MYO18B: variants seen among roughly 807,000 people sequenced by gnomAD.
The protein encoded by MYO18B is unconventional myosin-XVIIIb.
Under a neutral mutation model 273.0 loss-of-function variants are expected in MYO18B, and 204 were observed. That is an observed-to-expected ratio of 0.75 (90% confidence interval 0.67 to 0.84). MYO18B has a LOEUF of 0.84. MYO18B is among the 40% of genes least tolerant of loss of function. The pLI is 0.00. For synonymous variants in MYO18B, 1,330 were observed against 1,305.7 expected (o/e 1.02, Z -0.40); for missense variants, 3,212 against 3,287.6 (o/e 0.98, Z 0.56).
intron 21 of MYO18B, among the ~76,000 whole-genome samples, chr22:25,851,802 AGGGGGCATCT>A (rs1180319746): frequency 6.6e-6 from 1 of 152,148 alleles, no homozygotes; most frequent in Non-Finnish European, 1.5e-5. Flanking sequence ...GGATTGCCCC[AGGGGGCATCT>A]GGACCAGCTG....
chr22:26,056,108 G>C, the MYO18B span, among the ~76,000 whole-genome samples: 1 of 152,132 alleles, frequency 6.6e-6, no homozygotes, highest in African/African-American at 2.4e-5. Flanking sequence ...TAGTATTCCA[G>C]GTTGCTGAAG....
intron 1 of MYO18B, among the ~76,000 whole-genome samples, chr22:25,742,991 T>C (rs1263384626): frequency 2.0e-5 from 3 of 152,206 alleles, no homozygotes; most frequent in Non-Finnish European, 4.4e-5. Context: ...GACATGGAGC[T>C]CTCTCCCAGG....
chr22:25,875,650 G>A (rs1425566735), intron 23 of MYO18B, among the ~76,000 whole-genome samples: 1 of 152,228 alleles, frequency 6.6e-6, no homozygotes, highest in Non-Finnish European at 1.5e-5. Flanking sequence ...ACCTTTGGGG[G>A]TGGTGTCTAG....
intron 25 of MYO18B, among the ~76,000 whole-genome samples, chr22:25,885,712 G>A (rs761017170): frequency 1.3e-5 from 2 of 152,106 alleles, no homozygotes; most frequent in Admixed American, 6.6e-5. Context: ...TCAAAAAGAG[G>A]TATGTGGGTG....
intron 25 of MYO18B, among the ~76,000 whole-genome samples, chr22:25,889,743 A>G (rs1245091144): frequency 1.3e-5 from 2 of 152,166 alleles, no homozygotes; most frequent in Non-Finnish European, 2.9e-5. Context: ...ATAATGCCAC[A>G]GAAGCCCTGC....
At chr22:25,770,025 G>C (rs1366565313) in intron 4 of MYO18B, 85 bp from the exon 5 acceptor site, 1 of 1,366,156 alleles carries the variant, frequency 7.3e-7, no homozygotes, top group African/African-American at 1.4e-5. Flanking sequence ...TGGCTCCAGA[G>C]CACACTGTGA....
chr22:25,921,263 C>T lies in MYO18B; in HGVS notation c.5371C>T (p.His1791Tyr). 1 of 1,551,388 alleles carries T rather than the reference C, an allele frequency of 6.4e-7. No individual in the cohort carries two copies. The highest frequency in any genetic ancestry group is 1.2e-5 in the South Asian group (1 of 84,004). ...LIGTLCDQIGHRDFDVEKRLR... is the reference protein window; with the variant it reads ...LIGTLCDQIGYRDFDVEKRLR... ...GTCTCCCTTTGGCTTTCAGATTGGC[C>T]ATCGGGACTTTGATGTGGAGAAGCG... Residue 1791 changes from histidine to tyrosine, a missense_variant, in exon 34 of 44, where the codon CAT (histidine) becomes TAT (tyrosine). Transcript: ENST00000335473.
intron 9 of MYO18B, among the ~76,000 whole-genome samples, chr22:25,781,450 A>G (rs1283809083): frequency 1.3e-5 from 2 of 152,116 alleles, no homozygotes; most frequent in Non-Finnish European, 2.9e-5. Flanking sequence ...TCTACTAAAA[A>G]AACAAAAAAA....
At chr22:25,899,030 A>G (rs1262274690) in intron 29 of MYO18B, 1 of 152,778 alleles carries the variant, frequency 6.5e-6, no homozygotes, top group African/African-American at 2.4e-5. Context: ...AGGCCAAAAT[A>G]TGGCCTTCTC....
intron 12 of MYO18B, among the ~76,000 whole-genome samples, chr22:25,819,531 C>T (rs1365908552): frequency 6.6e-6 from 1 of 151,770 alleles, no homozygotes; most frequent in Non-Finnish European, 1.5e-5. Context: ...TGCTTCTTAA[C>T]AAAGAGAGAG....
At chr22:25,840,423 T>C (rs975656199) in intron 17 of MYO18B, among the ~76,000 whole-genome samples, 1 of 152,208 alleles carries the variant, frequency 6.6e-6, no homozygotes, top group Non-Finnish European at 1.5e-5. Context: ...GACCCCTCCC[T>C]GCCTGCGATC....
chr22:25,743,434 G>A (rs1157320611), intron 1 of MYO18B, among the ~76,000 whole-genome samples: 1 of 151,988 alleles, frequency 6.6e-6, no homozygotes, highest in African/African-American at 2.4e-5. Context: ...CTATGGATGA[G>A]TTCTAGAAAA....
rs117972123 is a variant in MYO18B at position 25,770,458 on chromosome 22, C to T, written c.1579+282C>T. Among the ~76,000 whole-genome samples, 62 of 152,260 alleles carry T rather than the reference C, an allele frequency of 4.1e-4. 1 individual carries two copies. In the East Asian group the frequency reaches 0.011, roughly 27 times the overall value. On this transcript the variant is annotated intron_variant, in intron 5 of 43. Transcript: ENST00000335473. ...TTTGATCTCATGAGCCTACTTTTGT[C>T]GATTGGTTGTGGCTGATCACTGCAC...
chr22:25,800,982 C>G (rs546191364), intron 12 of MYO18B, among the ~76,000 whole-genome samples: 197 of 152,270 alleles, frequency 1.3e-3, no homozygotes, highest in African/African-American at 4.6e-3. Flanking sequence ...GGAGGCCTGC[C>G]CGATGATTTA....
chr22:26,040,567 A>G, the MYO18B span, among the ~76,000 whole-genome samples: 2 of 152,234 alleles, frequency 1.3e-5, no homozygotes, highest in African/African-American at 4.8e-5. Flanking sequence ...AGAAGGGACT[A>G]GAAGGCATTG....
At chr22:25,893,390 T>A (rs2091714746) in intron 27 of MYO18B, among the ~76,000 whole-genome samples, 1 of 152,166 alleles carries the variant, frequency 6.6e-6, no homozygotes, top group Non-Finnish European at 1.5e-5. Context: ...ACATGTTGAT[T>A]AAGGGTGGCA....
chr22:25,820,809 C>G (rs2069561273), intron 12 of MYO18B, among the ~76,000 whole-genome samples: 1 of 152,160 alleles, frequency 6.6e-6, no homozygotes. Flanking sequence ...TTTAACAACT[C>G]TCTCCCTATC....
chr22:25,756,229 A>C (rs2086117246), intron 1 of MYO18B: 2 of 152,218 alleles, frequency 1.3e-5, no homozygotes. Context: ...AGCCCTAGAT[A>C]TTCCTTTATA....
In MYO18B at chr22:25,890,382, C is replaced by T. The variant is rs113159262; in HGVS notation, c.4315-374C>T. Among the ~76,000 whole-genome samples the T allele has an allele frequency of 3.9e-5, 6 of 152,260 alleles. No individual in the cohort carries two copies. In the East Asian group the frequency reaches 5.8e-4, roughly 15 times the overall value. On this transcript the variant is annotated intron_variant, in intron 25 of 43. Transcript: ENST00000335473. ...GAGATGATTTGCTAAAAGCTGGTTA[C>T]GAAGAGATTCCACTAAAATGGCCAT...
Sources: gnomAD v4.1 joint callset for allele counts (sites outside exome capture counted in the v4.1 genomes callset) on GRCh38, gnomAD v4.1.1 for gene constraint, MANE v1.5 for transcripts, NCBI Gene and HGNC (gene_info 2026-07-23, HGNC 2026-07-21) for gene names.